Variants in MGST1 observed in about 807,000 individuals in gnomAD.
MGST1 encodes the protein glutathione S-transferase 12.
A neutral mutation model predicts 8.9 loss-of-function variants in MGST1; 5 were observed. The ratio of observed to expected loss-of-function variants is 0.56; its 90% confidence interval spans 0.29 to 1.19. MGST1 has a LOEUF of 1.19. Ranked by LOEUF, MGST1 falls within the 50% of genes most tolerant of loss-of-function variation. MGST1 has a pLI of 0.08. For missense variants in MGST1, 182 were observed against 187.4 expected, an observed-to-expected ratio of 0.97 and a Z score of 0.17; for synonymous variants, 54 against 67.8, an observed-to-expected ratio of 0.80 and a Z score of 1.00.
rs1420077814 is a variant in MGST1, at chr12:16,559,153, C to G, written n.483-30375C>G. Among the ~76,000 whole-genome samples the G allele has an allele frequency of 6.6e-6, 1 of 152,168 alleles. No homozygotes were observed. Among genetic ancestry groups the G allele is most frequent in the Non-Finnish European group, 1.5e-5 (1 of 68,016 alleles). ...AACTAATATTTATTGATTATATACT[C>G]TGCCAGGTGTTCTCACAGAAAGTCA... is the stretch of plus-strand genomic sequence containing the variant. On this transcript the variant is annotated intron_variant and non_coding_transcript_variant, in intron 4 of 4. Transcript: ENST00000538857. The surrounding 1 kb of genome is among the most constrained non-coding windows in gnomAD (Gnocchi z 4.1).
chr12:16,412,069 A>G (rs1040121673), intron 1 of MGST1, among the ~76,000 whole-genome samples: 8 of 152,198 alleles, frequency 5.3e-5, no homozygotes, highest in Non-Finnish European at 1.2e-4. Context: ...TGCCTGTGAT[A>G]TATATGGATT....
chr12:16,391,178 A>C (rs1940549793), intron 1 of MGST1, among the ~76,000 whole-genome samples: 1 of 148,014 alleles, frequency 6.8e-6, no homozygotes, highest in Non-Finnish European at 1.5e-5. Context: ...GTTCTGGGAT[A>C]CATGTGCAGA....
At chr12:16,422,287 C>T (rs1012903941) in intron 1 of MGST1, among the ~76,000 whole-genome samples, 1 of 152,088 alleles carries the variant, frequency 6.6e-6, no homozygotes, top group Non-Finnish European at 1.5e-5. Flanking sequence ...TTATCTTGGA[C>T]CAACTATCTT....
At chr12:16,385,323 G>T (rs933191178) in intron 1 of MGST1, among the ~76,000 whole-genome samples, 1 of 152,172 alleles carries the variant, frequency 6.6e-6, no homozygotes, top group Non-Finnish European at 1.5e-5. Flanking sequence ...TGTGAATGGG[G>T]CAAGTCTAAA....
intron 4 of MGST1, among the ~76,000 whole-genome samples, chr12:16,468,667 T>G (rs1435313265): frequency 6.6e-6 from 1 of 152,156 alleles, no homozygotes; most frequent in Non-Finnish European, 1.5e-5. Context: ...TCTGTTGGAG[T>G]GCTATATACA....
intron 3 of MGST1, among the ~76,000 whole-genome samples, chr12:16,359,219 G>A (rs1162344956): frequency 2.6e-5 from 4 of 152,060 alleles, no homozygotes; most frequent in Admixed American, 1.3e-4. Flanking sequence ...AATATGCCCC[G>A]TACCTGTACC....
intron 4 of MGST1, among the ~76,000 whole-genome samples, chr12:16,569,669 A>G (rs1277817845): frequency 5.9e-5 from 9 of 152,118 alleles, no homozygotes; most frequent in Non-Finnish European, 2.9e-5. Context: ...AGAATCACAA[A>G]ATCTTCGATC....
intron 1 of MGST1, among the ~76,000 whole-genome samples, chr12:16,394,991 G>T (rs1021846738): frequency 6.6e-6 from 1 of 151,968 alleles, no homozygotes; most frequent in South Asian, 2.1e-4. Context: ...TCTCTCAATG[G>T]ACAGCTTGTT....
At position 16,500,528 on chromosome 12, in the gene MGST1, T is replaced by G. The variant is rs183672487; in HGVS notation, n.483-89000T>G. The stretch of plus-strand genomic sequence containing the variant: ...CATTTCAAAACGGAAAAGATACTTA[T>G]TTTGTGTGCCAGTCCTGTCCTTTGA... On this transcript the variant is annotated intron_variant and non_coding_transcript_variant, in intron 4 of 4. Coordinates refer to the MGST1 transcript ENST00000538857. This position sits in a 1 kb window ranked among gnomAD's most constrained non-coding sequence, Gnocchi z 4.3. Among the ~76,000 whole-genome samples, 49 of 152,344 alleles carry G rather than the reference T, an allele frequency of 3.2e-4. No individual in the cohort carries two copies. The highest frequency in any genetic ancestry group is 3.4e-3 in the Middle Eastern group (1 of 294).
rs1226882301 is a variant in MGST1, at chr12:16,364,079, A to G, written c.*38A>G. 3.2e-6 allele frequency: 5 copies of G among 1,549,664 alleles called. No homozygotes were observed. The highest frequency in any genetic ancestry group is 3.5e-6 in the Non-Finnish European group (4 of 1,146,772). On this transcript the variant is annotated 3_prime_UTR_variant, in exon 4 of 4. Transcript: ENST00000396210. The surrounding 1 kb of genome is among the most constrained non-coding windows in gnomAD (Gnocchi z 5.7). Reference sequence around the variant, plus strand: ...AACTCAGCATCCAGTTGGCTTTTTAAGAATTCTGTACTTCCAATTTATAAT... The same window carrying G: ...AACTCAGCATCCAGTTGGCTTTTTAGGAATTCTGTACTTCCAATTTATAAT...
chr12:16,589,400 T>C lies in MGST1; in HGVS notation n.483-128T>C, dbSNP rs2137604713. 6.6e-6 allele frequency: 1 copy of C among 152,234 alleles called. No individual in the cohort carries two copies. The highest frequency in any genetic ancestry group is 1.9e-4 in the East Asian group (1 of 5,170). 9.4% of individuals were successfully genotyped at this position (152,234 alleles called of 1,614,324 possible). A position where few individuals can be genotyped will look rare whatever the true frequency, so the allele number is the denominator to read the frequency against. ...TGAGTGCAGTATAAGCTTGTGGCTT[T>C]ACTTTTACTTGTGACTTCACAGTAA... On this transcript the variant is annotated intron_variant and non_coding_transcript_variant, in intron 4 of 4. Coordinates refer to the MGST1 transcript ENST00000538857. The surrounding 1 kb of genome is among the most constrained non-coding windows in gnomAD (Gnocchi z 4.2).
chr12:16,459,076 A>G (rs1478692415), intron 4 of MGST1, among the ~76,000 whole-genome samples: 1 of 152,142 alleles, frequency 6.6e-6, no homozygotes, highest in South Asian at 2.1e-4. Context: ...TATGATAGAC[A>G]GGACATTGGG....
intron 4 of MGST1, among the ~76,000 whole-genome samples, chr12:16,504,161 C>T (rs760799759): frequency 2.6e-5 from 4 of 152,102 alleles, no homozygotes; most frequent in Admixed American, 1.3e-4. Flanking sequence ...CTGTAACTTT[C>T]TCACTTTTTT....
At chr12:16,350,405 C>A (rs1939408940) in intron 1 of MGST1, among the ~76,000 whole-genome samples, 1 of 152,316 alleles carries the variant, frequency 6.6e-6, no homozygotes, top group East Asian at 1.9e-4. Flanking sequence ...TAATTCATAA[C>A]CAAATTAGTG....
intron 4 of MGST1, among the ~76,000 whole-genome samples, chr12:16,512,504 A>T (rs1042178766): frequency 6.6e-6 from 1 of 152,266 alleles, no homozygotes; most frequent in Non-Finnish European, 1.5e-5. Flanking sequence ...TACCAATAAA[A>T]CAATGTAAAA....
At chr12:16,476,197 A>T (rs1754888420) in intron 4 of MGST1, among the ~76,000 whole-genome samples, 1 of 152,028 alleles carries the variant, frequency 6.6e-6, no homozygotes, top group African/African-American at 2.4e-5. Context: ...TGCAGATAAG[A>T]CTCCTCACAT....
At chr12:16,563,219 A>G (rs1192905070) in intron 4 of MGST1, among the ~76,000 whole-genome samples, 1 of 152,104 alleles carries the variant, frequency 6.6e-6, no homozygotes, top group South Asian at 2.1e-4. Context: ...AATCTGATCT[A>G]ATTTACTGCA....
intron 4 of MGST1, among the ~76,000 whole-genome samples, chr12:16,462,416 T>C (rs1009025148): frequency 2.6e-5 from 4 of 152,196 alleles, no homozygotes; most frequent in African/African-American, 9.6e-5. Flanking sequence ...CAGCATTTGC[T>C]GTCTTGTGTA....
intron 4 of MGST1, among the ~76,000 whole-genome samples, chr12:16,444,072 A>C (rs1941059600): frequency 6.6e-6 from 1 of 151,782 alleles, no homozygotes; most frequent in Non-Finnish European, 1.5e-5. Context: ...GTAGTATTCC[A>C]TGATGTTGAG....
Sources: gnomAD v4.1 joint callset for allele counts (sites outside exome capture counted in the v4.1 genomes callset) on GRCh38, gnomAD v4.1.1 for gene constraint, Gnocchi (gnomAD v3.1) non-coding constraint, MANE v1.5 for transcripts, NCBI Gene and HGNC (gene_info 2026-07-23, HGNC 2026-07-21) for gene names.